The following WDSUB1 variants were observed in gnomAD, a reference collection of about 807,000 sequenced individuals.
WDSUB1 encodes the protein WD repeat, SAM and U-box domain-containing protein 1.
Under a neutral mutation model 53.9 loss-of-function variants are expected in WDSUB1, and 49 were observed. The ratio of observed to expected loss-of-function variants is 0.91; its 90% CI spans 0.72 to 1.15. WDSUB1 has a LOEUF of 1.15. Among genes scored for constraint, WDSUB1 ranks in the 50% most tolerant of loss-of-function variants. The probability of loss-of-function intolerance (pLI) is 0.00; values close to 1 mark genes in which losing one functional copy is unlikely to be tolerated. For synonymous variants in WDSUB1, 194 were observed against 200.6 expected, an observed-to-expected ratio of 0.97 and a Z score of 0.28; for missense variants, 514 against 562.0, an observed-to-expected ratio of 0.91 and a Z score of 0.86.
chr2:159,251,033 T>C (rs1575445552), intron 9 of WDSUB1, among the ~76,000 whole-genome samples: 1 of 151,724 alleles, frequency 6.6e-6, no homozygotes, highest in East Asian at 1.9e-4. Flanking sequence ...GAGGCCAAGG[T>C]GGGAGCACTG....
chr2:159,263,861 T>C (rs1210671045), intron 5 of WDSUB1, among the ~76,000 whole-genome samples: 1 of 152,236 alleles, frequency 6.6e-6, no homozygotes, highest in East Asian at 1.9e-4. Context: ...ATTTAATATA[T>C]ATGTATTGAG....
Position 159,282,861 on chromosome 2 carries a change from G to A in WDSUB1, c.209C>T (p.Ala70Val). ...AGTGGTACCATCTGTTGAACACGAT[G>A]CCAAAATATGTCCTGAAGGGGAGAA... is the stretch of plus-strand genomic sequence containing the variant. ...CCFSPSGHIL[A>V]SCSTDGTTVL... Residue 70 changes from alanine to valine, a missense_variant, in exon 2 of 11, where the codon GCA becomes GTA. Coordinates refer to ENST00000359774, the MANE Select transcript of WDSUB1 (RefSeq NM_001128212.3). 1 of 1,614,138 alleles carries A rather than the reference G, an allele frequency of 6.2e-7. No homozygotes were observed. The highest frequency in any genetic ancestry group is 8.5e-7 in the Non-Finnish European group (1 of 1,180,022).
chr2:159,243,295 G>C (rs2060708616), intron 10 of WDSUB1, among the ~76,000 whole-genome samples: 1 of 147,598 alleles, frequency 6.8e-6, no homozygotes, highest in Admixed American at 6.6e-5. Flanking sequence ...TGGTTTCCAG[G>C]GGCTGGGGTC....
chr2:159,243,577 C>T lies in WDSUB1; in HGVS notation c.1273+4795G>A, dbSNP rs542002307. Among the ~76,000 whole-genome samples the T allele has an allele frequency of 1.3e-5, 2 of 148,886 alleles. 1 individual carries two copies. The highest frequency in any genetic ancestry group is 4.2e-4 in the South Asian group (2 of 4,730). ...TATATGTCTCTATTGTTTCTTATAA[C>T]AGCATCAATTAAAAATAATAAAATT... On this transcript the variant is annotated intron_variant, in intron 10 of 10. Transcript: ENST00000359774.
chr2:159,261,886 ATATATATATATT>A (rs2061223675), intron 5 of WDSUB1, among the ~76,000 whole-genome samples: 1 of 15,368 alleles, frequency 6.5e-5, no homozygotes, highest in African/African-American at 3.4e-4. Context: ...ATATATATAT[ATATATATATATT>A]TTTTTTTTTT....
chr2:159,237,714 G>C (rs372979414), intron 10 of WDSUB1, among the ~76,000 whole-genome samples: 2 of 66,938 alleles, frequency 3.0e-5, no homozygotes, highest in African/African-American at 1.1e-4. Flanking sequence ...TTTGCAACTT[G>C]GTGTGTTTAT....
intron 4 of WDSUB1, among the ~76,000 whole-genome samples, chr2:159,273,221 G>T (rs1255370466): frequency 6.6e-6 from 1 of 151,980 alleles, no homozygotes; most frequent in African/African-American, 2.4e-5. Flanking sequence ...ATTCTAACTG[G>T]GAACAGAGCA....
chr2:159,242,912 T>C (rs1010078199), intron 10 of WDSUB1, among the ~76,000 whole-genome samples: 6 of 147,788 alleles, frequency 4.1e-5, no homozygotes, highest in African/African-American at 1.6e-4. Flanking sequence ...ATTAGTCCAA[T>C]AGATATAAAA....
At chr2:159,264,810 G>A (rs527311854) in intron 5 of WDSUB1, among the ~76,000 whole-genome samples, 36 of 152,264 alleles carry the variant, frequency 2.4e-4, no homozygotes, top group African/African-American at 7.7e-4. Context: ...AGGGCCAGGC[G>A]CAGTGGTTCA....
intron 4 of WDSUB1, among the ~76,000 whole-genome samples, chr2:159,273,476 G>A (rs1161942261): frequency 4.0e-5 from 6 of 151,756 alleles, no homozygotes; most frequent in Non-Finnish European, 2.9e-5. Context: ...GCTGGAGTGC[G>A]GTGGTACAGT....
At chr2:159,247,995 T>C (rs2060857557) in intron 10 of WDSUB1, among the ~76,000 whole-genome samples, 1 of 137,626 alleles carries the variant, frequency 7.3e-6, no homozygotes, top group African/African-American at 2.5e-5. Flanking sequence ...GTAGGTCTGT[T>C]AACACTTAGA....
At chr2:159,274,787 G>C (rs1048582289) in intron 4 of WDSUB1, among the ~76,000 whole-genome samples, 1 of 152,104 alleles carries the variant, frequency 6.6e-6, no homozygotes, top group Non-Finnish European at 1.5e-5. Context: ...TAAGCAAAAA[G>C]GGGACTCAAC....
intron 2 of WDSUB1, among the ~76,000 whole-genome samples, chr2:159,282,174 C>T (rs1032905385): frequency 2.6e-5 from 4 of 151,062 alleles, no homozygotes; most frequent in Non-Finnish European, 5.9e-5. Context: ...GGTTTTTGAC[C>T]TTTAGAAGGC....
intron 8 of WDSUB1, among the ~76,000 whole-genome samples, chr2:159,257,387 C>CT (rs11324351): frequency 0.041 from 5,712 of 139,720 alleles, 382 homozygotes; most frequent in African/African-American, 0.14. Flanking sequence ...GATTTACTAA[C>CT]TTTTTTTTTT....
rs754412712 is a variant in WDSUB1 at position 159,246,608 on chromosome 2, C to T, written c.1273+1764G>A. Among the ~76,000 whole-genome samples the T allele has an allele frequency of 3.3e-5, 5 of 152,196 alleles. No individual in the cohort carries two copies. In the East Asian group the frequency reaches 5.8e-4, roughly 18 times the overall value. On this transcript the variant is annotated intron_variant, in intron 10 of 10. Coordinates refer to ENST00000359774, the MANE Select transcript of WDSUB1 (RefSeq NM_001128212.3). Reference sequence around the variant, plus strand: ...CATTTTGGTAGTCCCTTTAAACATTCGCTTATCGTACAACCCAGTAATTTC... The same window carrying T: ...CATTTTGGTAGTCCCTTTAAACATTTGCTTATCGTACAACCCAGTAATTTC...
At chr2:159,282,643 T>TA in intron 2 of WDSUB1, 29 bp downstream of exon 2, 3 of 1,584,228 alleles carry the variant, frequency 1.9e-6, no homozygotes, top group Non-Finnish European at 2.6e-6. Context: ...TCAACAGGAT[T>TA]AAAACAGGAA....
At position 159,251,265 on chromosome 2, in the gene WDSUB1, C is replaced by CA. The variant is rs767633020; in HGVS notation, c.1133-2754dup. On this transcript the variant is annotated intron_variant, in intron 9 of 10. Coordinates refer to ENST00000359774, the MANE Select transcript of WDSUB1 (RefSeq NM_001128212.3). Reference sequence around the variant, plus strand: ...CGGGCAACAGAGTGAGACTCTGTCTCAAAAAAAAATTAAGAAAAAGAAAAA... The same window carrying CA: ...CGGGCAACAGAGTGAGACTCTGTCTCAAAAAAAAAATTAAGAAAAAGAAAAA... Among the ~76,000 whole-genome samples, 419 of 147,886 alleles carry CA rather than the reference C, an allele frequency of 2.8e-3. 6 individuals carry two copies. Among genetic ancestry groups the CA allele is most frequent in the Middle Eastern group, 6.9e-3 (2 of 290 alleles).
chr2:159,271,778 T>A lies in WDSUB1; in HGVS notation c.694A>T (p.Lys232Ter). ...GCACAGTGCCCACTCAGTGTACTTT[T>A]ATATTTTAATTCAAAACCTGCAAAT... ...THILGFELKY[K>*]STLSGHCAPV... The change falls in exon 5 of 11, where the codon AAA (lysine) becomes TAA (stop). Residue 232 changes from lysine to a stop codon, truncating the protein, a stop_gained. Transcript: ENST00000359774. LOFTEE classifies it high-confidence loss of function. 6.2e-7 allele frequency: 1 copy of A among 1,613,930 alleles called. No individual in the cohort carries two copies. The highest frequency in any genetic ancestry group is 1.1e-5 in the South Asian group (1 of 91,010).
At chr2:159,241,730 T>TTTTTTTTTA in intron 10 of WDSUB1, among the ~76,000 whole-genome samples, 1 of 144,010 alleles carries the variant, frequency 6.9e-6, no homozygotes, top group African/African-American at 2.8e-5. Flanking sequence ...TTTTTTTTTT[T>TTTTTTTTTA]GAGATGGAGT....
Sources: allele counts gnomAD v4.1 joint callset (sites outside exome capture counted in the v4.1 genomes callset), GRCh38; gene constraint gnomAD v4.1.1; transcripts MANE v1.5; gene names NCBI Gene and HGNC (gene_info 2026-07-23, HGNC 2026-07-21).